Variants in CAP2 observed in about 807,000 individuals in gnomAD.
CAP2 encodes cyclase associated actin cytoskeleton regulatory protein 2, also known as adenylyl cyclase-associated protein 2.
A neutral mutation model predicts 57.7 loss-of-function variants in CAP2; 24 were observed. The ratio of observed to expected loss-of-function variants is 0.42; its 90% confidence interval spans 0.30 to 0.58. The LOEUF (loss-of-function observed/expected upper bound fraction) is 0.58, where lower values mean the gene tolerates loss of function less well. Ranked by LOEUF, CAP2 falls within the 20% of genes least tolerant of loss-of-function variation. CAP2 has a pLI of 0.22. For missense variants in CAP2, 501 were observed against 590.3 expected, an observed-to-expected ratio of 0.85 and a Z score of 1.57; for synonymous variants, 194 against 207.2, an observed-to-expected ratio of 0.94 and a Z score of 0.55.
In CAP2 at chr6:17,435,584, T is replaced by A. The variant is rs570276276; in HGVS notation, c.222+8894T>A. On this transcript the variant is annotated intron_variant, in intron 3 of 12. Transcript: ENST00000229922. ...ATTGGGAGATATACCTAATGCTAGA[T>A]GTCACATTAGTGGGTGCAGCGCACC... Among the ~76,000 whole-genome samples, 45 of 128,096 alleles carry A rather than the reference T, an allele frequency of 3.5e-4. No homozygotes were observed. In the East Asian group the frequency reaches 4.4e-3, roughly 13 times the overall value. 84.0% of individuals were successfully genotyped at this position (128,096 alleles called of 152,430 possible). A position where few individuals can be genotyped will look rare whatever the true frequency, so the allele number is the denominator to read the frequency against.
chr6:17,553,361 T>G (rs1336144233), intron 12 of CAP2, among the ~76,000 whole-genome samples: 2 of 79,746 alleles, frequency 2.5e-5, no homozygotes, highest in Non-Finnish European at 5.2e-5. Context: ...GGCCGCGTGC[T>G]GTGGCTCACG....
chr6:17,421,629 C>A lies in CAP2; in HGVS notation c.74C>A (p.Ser25Tyr), dbSNP rs894062645. 2.5e-6 allele frequency: 4 copies of A among 1,613,950 alleles called. No homozygotes were observed. The African/African-American group carries it at 4.0e-5, about 16-fold the overall frequency. ...VSRLESLSAESHRPPGNCGEV... is the reference protein window; with the variant it reads ...VSRLESLSAEYHRPPGNCGEV... Reference sequence around the variant, plus strand: ...CGCCTGGAGTCGCTGTCTGCAGAGTCCCACAGGCCCCCTGGGAACTGCGGG... The same window carrying A: ...CGCCTGGAGTCGCTGTCTGCAGAGTACCACAGGCCCCCTGGGAACTGCGGG... Residue 25 changes from serine to tyrosine, a missense_variant, in exon 2 of 13, where the codon TCC becomes TAC. Ser to Tyr is a moderately radical substitution (Grantham distance 144). Coordinates refer to ENST00000229922, the MANE Select transcript of CAP2 (RefSeq NM_006366.3).
At chr6:17,397,693 T>TAAA (rs1758704814) in intron 1 of CAP2, among the ~76,000 whole-genome samples, 1 of 34,270 alleles carries the variant, frequency 2.9e-5, no homozygotes, top group Admixed American at 4.4e-4. Context: ...AGACTCCATA[T>TAAA]CAAAAAAAAA....
chr6:17,495,399 G>A (rs1210022823), intron 4 of CAP2, among the ~76,000 whole-genome samples: 1 of 152,192 alleles, frequency 6.6e-6, no homozygotes, highest in Non-Finnish European at 1.5e-5. Context: ...ACACAGTCAT[G>A]ATTTATAAGC....
chr6:17,485,907 T>A (rs1343938862), intron 4 of CAP2, among the ~76,000 whole-genome samples: 2 of 152,206 alleles, frequency 1.3e-5, no homozygotes, highest in Non-Finnish European at 1.5e-5. Flanking sequence ...AAGAAGGACA[T>A]CCTGTTTGTG....
intron 7 of CAP2, among the ~76,000 whole-genome samples, chr6:17,532,894 T>C (rs1351504392): frequency 6.7e-6 from 1 of 150,252 alleles, no homozygotes; most frequent in Non-Finnish European, 1.5e-5. Flanking sequence ...AGAAACCCTG[T>C]CTCTACTAAA....
chr6:17,540,739 G>A lies in CAP2; in HGVS notation c.827-234G>A, dbSNP rs146980874. On this transcript the variant is annotated intron_variant, in intron 8 of 12. Coordinates refer to ENST00000229922, the MANE Select transcript of CAP2 (RefSeq NM_006366.3). Reference sequence around the variant, plus strand: ...ACTGCACTCCAGCCTAGGTGACAGAGCGAGACTCCATTTAAAAAACAACAA... The same window carrying A: ...ACTGCACTCCAGCCTAGGTGACAGAACGAGACTCCATTTAAAAAACAACAA... 1.7e-3 allele frequency among the ~76,000 whole-genome samples: 260 copies of A among 152,272 alleles called. 3 individuals are homozygous for A. The highest frequency in any genetic ancestry group is 0.017 in the Middle Eastern group (5 of 294).
At chr6:17,540,647 G>A (rs900429268) in intron 8 of CAP2, among the ~76,000 whole-genome samples, 2 of 152,168 alleles carry the variant, frequency 1.3e-5, no homozygotes, top group Admixed American at 6.5e-5. Flanking sequence ...CCAGCTACTT[G>A]GGAGGCTGAG....
chr6:17,462,600 G>A (rs1435559650), intron 3 of CAP2, among the ~76,000 whole-genome samples: 1 of 152,088 alleles, frequency 6.6e-6, no homozygotes, highest in Non-Finnish European at 1.5e-5. Context: ...AGTGGTTTCT[G>A]TCTCTATAGA....
At chr6:17,519,156 C>T (rs141220598) in intron 7 of CAP2, among the ~76,000 whole-genome samples, 92 of 152,234 alleles carry the variant, frequency 6.0e-4, no homozygotes, top group African/African-American at 2.2e-3. Context: ...TCCAAGGGCA[C>T]GTGGCTCTAC....
chr6:17,418,189 C>T (rs1425121517), intron 1 of CAP2, among the ~76,000 whole-genome samples: 3 of 152,030 alleles, frequency 2.0e-5, no homozygotes, highest in South Asian at 2.1e-4. Context: ...CATGATCATC[C>T]GATCATCTTG....
intron 3 of CAP2, among the ~76,000 whole-genome samples, chr6:17,437,833 C>T (rs1013381896): frequency 5.3e-5 from 8 of 151,984 alleles, no homozygotes; most frequent in Admixed American, 2.6e-4. Flanking sequence ...ACAGAGATCA[C>T]GCCACTGCAC....
intron 3 of CAP2, among the ~76,000 whole-genome samples, chr6:17,429,814 CTATAGTCCATCTGCCCATGACGT>C (rs1310304932): frequency 6.6e-6 from 1 of 152,234 alleles, no homozygotes; most frequent in African/African-American, 2.4e-5. Flanking sequence ...GTACAGGCAG[CTATAGTCCATCTGCCCATGACGT>C]TAATACTTTG....
chr6:17,552,466 C>A (rs551941496), intron 12 of CAP2, among the ~76,000 whole-genome samples: 1 of 152,122 alleles, frequency 6.6e-6, no homozygotes, highest in African/African-American at 2.4e-5. Flanking sequence ...CTGGCCAACA[C>A]GGCAAAAGCC....
intron 7 of CAP2, among the ~76,000 whole-genome samples, chr6:17,533,664 G>A (rs1003105289): frequency 6.6e-6 from 1 of 151,638 alleles, no homozygotes; most frequent in South Asian, 2.1e-4. Context: ...TGCCTCCTGG[G>A]TTCAAGCGAT....
At chr6:17,548,175 G>C (rs535465719) in intron 11 of CAP2, among the ~76,000 whole-genome samples, 2 of 152,030 alleles carry the variant, frequency 1.3e-5, no homozygotes, top group Admixed American at 1.3e-4. Flanking sequence ...AGATCATCTT[G>C]GCTAACACGG....
At chr6:17,529,557 C>A (rs750550091) in intron 7 of CAP2, among the ~76,000 whole-genome samples, 1 of 150,862 alleles carries the variant, frequency 6.6e-6, no homozygotes, top group Non-Finnish European at 1.5e-5. Flanking sequence ...AGGAGAATGG[C>A]GTGAACCTGG....
At position 17,479,607 on chromosome 6, in the gene CAP2, ATTTTT is replaced by A. The variant is rs11336517; in HGVS notation, c.300+16552_300+16556del. 1.1e-4 allele frequency among the ~76,000 whole-genome samples: 14 copies of A among 126,448 alleles called. No homozygotes were observed. The East Asian group carries it at 2.8e-3, about 25-fold the overall frequency. The allele number at this position is 126,448 out of a possible 152,430, so 83.0% of individuals were successfully genotyped here. A position where few individuals can be genotyped will look rare whatever the true frequency, so the allele number is the denominator to read the frequency against. ...AGAAGAGAAAAAGATCTGCTTTTTA[ATTTTT>A]TTTTTTTTTTTTTTTTTGAGACAGA... On this transcript the variant is annotated intron_variant, in intron 4 of 12. Coordinates refer to ENST00000229922, the MANE Select transcript of CAP2 (RefSeq NM_006366.3).
Position 17,414,261 on chromosome 6 carries a change from CT to C in CAP2, c.-1-7284del, listed in dbSNP as rs61122805. ...TTTCCTGTCACTTCAAGTCTATTTC[CT>C]TTTTTTTTTCTTTATTTCTTCTTAA... is the stretch of plus-strand genomic sequence containing the variant. On this transcript the variant is annotated intron_variant, in intron 1 of 12. Coordinates refer to ENST00000229922, the MANE Select transcript of CAP2 (RefSeq NM_006366.3). 9.8e-3 allele frequency among the ~76,000 whole-genome samples: 1,454 copies of C among 148,260 alleles called. 24 individuals carry two copies. Among genetic ancestry groups the C allele is most frequent in the African/African-American group, 0.033 (1,344 of 40,558 alleles).
Sources: allele counts gnomAD v4.1 joint callset (sites outside exome capture counted in the v4.1 genomes callset), GRCh38; gene constraint gnomAD v4.1.1; transcripts MANE v1.5; gene names NCBI Gene and HGNC (gene_info 2026-07-23, HGNC 2026-07-21).